MCM9: variants seen among roughly 807,000 people sequenced by gnomAD.
MCM9 encodes the protein minichromosome maintenance 9 homologous recombination repair factor.
MCM9 carries 55 observed loss-of-function variants against 72.8 expected under a neutral mutation model. That is an observed-to-expected ratio of 0.76 (90% confidence interval 0.61 to 0.95). The LOEUF is 0.95. Ranked by LOEUF, MCM9 falls within the 40% of genes least tolerant of loss-of-function variation. The pLI is 0.00. For missense variants in MCM9, 1,279 were observed against 1,377.0 expected, an observed-to-expected ratio of 0.93 and a Z score of 1.13; for synonymous variants, 480 against 503.4, an observed-to-expected ratio of 0.95 and a Z score of 0.62.
chr6:118,930,172 G>A (rs925861110), intron 3 of MCM9, among the ~76,000 whole-genome samples: 2 of 151,864 alleles, frequency 1.3e-5, no homozygotes, highest in South Asian at 2.1e-4. Context: ...GTGCAATGGC[G>A]CGATCTCGGC....
chr6:118,839,829 C>T (rs914329319), intron 9 of MCM9, among the ~76,000 whole-genome samples: 1 of 152,176 alleles, frequency 6.6e-6, no homozygotes, highest in African/African-American at 2.4e-5. Flanking sequence ...CAGATGCCAA[C>T]CAGAGCTGTC....
chr6:118,835,095 T>C (rs1774865318), intron 9 of MCM9, among the ~76,000 whole-genome samples: 1 of 152,228 alleles, frequency 6.6e-6, no homozygotes, highest in African/African-American at 2.4e-5. Flanking sequence ...ACACCATTTA[T>C]TACATGAGGA....
chr6:118,909,095 T>A (rs1226829695), intron 8 of MCM9: 1 of 152,136 alleles, frequency 6.6e-6, no homozygotes, highest in African/African-American at 2.4e-5. Flanking sequence ...ATAAAGAAAA[T>A]CTCATTTGTC....
intron 11 of MCM9, 77 bp from the exon 12 acceptor site, chr6:118,826,941 C>T: frequency 1.7e-6 from 2 of 1,154,944 alleles, no homozygotes; most frequent in Non-Finnish European, 2.5e-6. Context: ...CTCCTCCTCA[C>T]CATTTGTATT....
At chr6:118,842,336 C>T (rs1425073750) in intron 9 of MCM9, among the ~76,000 whole-genome samples, 1 of 152,142 alleles carries the variant, frequency 6.6e-6, no homozygotes, top group Non-Finnish European at 1.5e-5. Flanking sequence ...TTGAAAAGAA[C>T]CTTGAAAATA....
intron 10 of MCM9, 53 bp from the exon 11 acceptor site, chr6:118,828,183 A>C: frequency 4.9e-4 from 666 of 1,348,944 alleles, no homozygotes; most frequent in Middle Eastern, 7.1e-4. Context: ...CAAACATCTC[A>C]TTTTAAGGAT....
intron 9 of MCM9, among the ~76,000 whole-genome samples, chr6:118,835,212 C>G (rs570678710): frequency 6.6e-6 from 1 of 152,136 alleles, no homozygotes; most frequent in South Asian, 2.1e-4. Context: ...GTCTATATAT[C>G]TGTTTTTGGT....
At chr6:118,886,439 T>C (rs1021364433) in intron 8 of MCM9, among the ~76,000 whole-genome samples, 6 of 152,082 alleles carry the variant, frequency 3.9e-5, no homozygotes, top group African/African-American at 2.4e-5. Context: ...ACAGATGACA[T>C]GATCTTGTAT....
chr6:118,859,000 T>C (rs1231714957), intron 8 of MCM9, among the ~76,000 whole-genome samples: 1 of 152,196 alleles, frequency 6.6e-6, no homozygotes, highest in South Asian at 2.1e-4. Flanking sequence ...AGCTTGGAGG[T>C]CTCACATGAC....
chr6:118,854,323 AC>A (rs774193292), intron 9 of MCM9, among the ~76,000 whole-genome samples: 6 of 152,168 alleles, frequency 3.9e-5, no homozygotes, highest in Non-Finnish European at 5.9e-5. Context: ...ACTGTCTTTC[AC>A]CATGAAGTAT....
At position 118,829,168 on chromosome 6, in the gene MCM9, A is replaced by T. The variant is rs1774365956; in HGVS notation, c.1408T>A (p.Ser470Thr). 2 of 1,550,534 alleles carry T rather than the reference A, an allele frequency of 1.3e-6. No individual in the cohort carries two copies. The highest frequency in any genetic ancestry group is 2.0e-5 in the Admixed American group (1 of 50,982). The change falls in exon 10 of 14, where the codon TCT becomes ACT. Residue 470 changes from serine to threonine, a missense_variant. By Grantham distance (58) the Ser-to-Thr change is moderately conservative. Transcript: ENST00000619706. ...KGQYDPQESV[S>T]VNIALGSPLL... ...GGGCTGCCGAGGGCAATGTTCACAG[A>T]CACGGACTCCTGGGGGTCGTACTGG...
At chr6:118,911,433 T>A in intron 8 of MCM9, 1 of 1,276,540 alleles carries the variant, frequency 7.8e-7, no homozygotes, top group Non-Finnish European at 9.9e-7. Context: ...GAAAATTGAA[T>A]AGGATTGTTC....
chr6:118,821,682 G>A (rs1260701315), intron 13 of MCM9, among the ~76,000 whole-genome samples: 1 of 152,036 alleles, frequency 6.6e-6, no homozygotes, highest in East Asian at 1.9e-4. Context: ...TGCTAAGTTG[G>A]GGAAGTTCTC....
chr6:118,829,853 T>C (rs992860765), intron 9 of MCM9, among the ~76,000 whole-genome samples: 2 of 151,906 alleles, frequency 1.3e-5, no homozygotes, highest in Non-Finnish European at 2.9e-5. Context: ...TTTGATTTTT[T>C]TTCTAAACAC....
chr6:118,814,867 G>A lies in MCM9; in HGVS notation c.3389C>T (p.Ala1130Val). The A allele has an allele frequency of 6.5e-7, 1 of 1,531,726 alleles. No individual in the cohort carries two copies. The highest frequency in any genetic ancestry group is 8.8e-7 in the Non-Finnish European group (1 of 1,138,710). 94.9% of individuals were successfully genotyped at this position (1,531,726 alleles called of 1,614,324 possible). ...CTCTTCATCCCAGTCACAATCAAATGCTTCATCACCTAGTTCTGGTAAAGT... is the reference window on the plus strand; with the variant it reads ...CTCTTCATCCCAGTCACAATCAAATACTTCATCACCTAGTTCTGGTAAAGT... ...LFTLPELGDE[A>V]FDCDWDEEMR... The change falls in exon 14 of 14, where the codon GCA (alanine) becomes GTA (valine). Residue 1130 changes from alanine (A) to valine (V), a missense_variant. By Grantham distance (64) the Ala-to-Val change is moderately conservative (BLOSUM62 0). Coordinates refer to ENST00000619706, the MANE Select transcript of MCM9 (RefSeq NM_017696.3).
intron 8 of MCM9, chr6:118,894,431 G>A (rs1459415096): frequency 3.3e-6 from 5 of 1,536,992 alleles, no homozygotes; most frequent in South Asian, 1.2e-5. Context: ...AGGTTCAGGT[G>A]AACAATGTAG....
At chr6:118,832,901 T>C (rs577641822) in intron 9 of MCM9, among the ~76,000 whole-genome samples, 4 of 152,348 alleles carry the variant, frequency 2.6e-5, no homozygotes, top group Admixed American at 2.6e-4. Flanking sequence ...CTTGTTTTCT[T>C]TCCATCCTGG....
intron 9 of MCM9, among the ~76,000 whole-genome samples, chr6:118,839,855 G>A (rs928329783): frequency 1.3e-5 from 2 of 152,168 alleles, no homozygotes; most frequent in African/African-American, 4.8e-5. Context: ...TGAGGTGTCT[G>A]TCGACCCCTG....
chr6:118,815,575 T>C lies in MCM9; in HGVS notation c.2681A>G (p.Lys894Arg), dbSNP rs1025628938. 8.4e-6 allele frequency: 13 copies of C among 1,550,316 alleles called. No homozygotes were observed. In the African/African-American group the frequency reaches 1.4e-4, roughly 16 times the overall value. ...CACTTGCGCAAGGGATTTCGGTCTC[T>C]TTCTTTTGGGTGAGTCCAGCATTCT... ...PDRMLDSPKR[K>R]RPKSLAQVEE... The change falls in exon 14 of 14, where the codon AAG (lysine) becomes AGG (arginine). Residue 894 changes from lysine (K) to arginine (R), a missense_variant. By Grantham distance (26) the Lys-to-Arg change is conservative. Transcript: ENST00000619706.
Sources: allele counts gnomAD v4.1 joint callset (sites outside exome capture counted in the v4.1 genomes callset), GRCh38; gene constraint gnomAD v4.1.1; transcripts MANE v1.5; gene names NCBI Gene and HGNC (gene_info 2026-07-23, HGNC 2026-07-21).